The following HMGXB3 variants were observed in gnomAD, a reference collection of about 807,000 sequenced individuals.
HMGXB3 encodes the protein HMG domain-containing protein 3.
In HMGXB3, 45 loss-of-function variants were observed where a neutral mutation model predicts 121.5. The ratio of observed to expected loss-of-function variants is 0.37; its 90% confidence interval spans 0.29 to 0.47. The LOEUF (loss-of-function observed/expected upper bound fraction) is 0.47, where lower values mean the gene tolerates loss of function less well. Among genes scored for constraint, HMGXB3 ranks in the 20% least tolerant of loss-of-function variants. The pLI is 0.99. For synonymous variants in HMGXB3, 590 were observed against 624.1 expected (o/e 0.95, Z 0.81); for missense variants, 1,376 against 1,602.2 (o/e 0.86, Z 2.41).
intron 11 of HMGXB3, among the ~76,000 whole-genome samples, chr5:150,034,827 C>G (rs1023425537): frequency 3.9e-5 from 6 of 152,078 alleles, no homozygotes; most frequent in Admixed American, 3.9e-4. Context: ...TCATCTCTGG[C>G]GAGAGTCACG....
intron 15 of HMGXB3, 59 bp from the exon 16 acceptor site, chr5:150,045,407 T>G: frequency 7.3e-7 from 1 of 1,362,032 alleles, no homozygotes; most frequent in Non-Finnish European, 1.0e-6. Context: ...GGGTAGGCTG[T>G]TGTGTTGCTG....
chr5:150,016,369 A>G (rs1755961143), intron 5 of HMGXB3, among the ~76,000 whole-genome samples: 1 of 149,166 alleles, frequency 6.7e-6, no homozygotes. Flanking sequence ...AAAGGAGGTG[A>G]CATTTAACTA....
intron 11 of HMGXB3, among the ~76,000 whole-genome samples, chr5:150,035,306 G>A (rs1001691723): frequency 2.6e-5 from 4 of 152,134 alleles, no homozygotes; most frequent in African/African-American, 9.7e-5. Context: ...GGCAAGGGGA[G>A]CCAGCATGCA....
intron 15 of HMGXB3, 57 bp downstream of exon 15, chr5:150,042,026 C>T (rs1438322864): frequency 7.0e-7 from 1 of 1,420,008 alleles, no homozygotes; most frequent in East Asian, 2.5e-5. Flanking sequence ...TTTGGCACCT[C>T]CCTTCCTATA....
chr5:150,006,665 C>T lies in HMGXB3; in HGVS notation c.312+18C>T, dbSNP rs1755709805. ...TGGATCCTGTAAGTAATTTTTTTTT[C>T]CAGCTATTTTTTCCACTGGTTCAGT... On this transcript the variant is annotated intron_variant, in intron 3 of 19. Transcript: ENST00000502717. 2 of 1,546,816 alleles carry T rather than the reference C, an allele frequency of 1.3e-6. No individual in the cohort carries two copies. Among genetic ancestry groups the T allele is most frequent in the South Asian group, 1.2e-5 (1 of 83,766 alleles).
chr5:150,047,378 T>G, intron 16 of HMGXB3: 1 of 474,820 alleles, frequency 2.1e-6, no homozygotes, highest in Non-Finnish European at 3.8e-6. Flanking sequence ...AGCTGACTTA[T>G]TTTAGGGTTT....
Position 150,032,406 on chromosome 5 carries a change from G to A in HMGXB3, c.1834-48G>A, listed in dbSNP as rs1437602193. The A allele has an allele frequency of 3.9e-6, 6 of 1,531,022 alleles. No individual in the cohort carries two copies. The East Asian group carries it at 1.5e-4, about 38-fold the overall frequency. 94.8% of individuals were successfully genotyped at this position (1,531,022 alleles called of 1,614,324 possible). On this transcript the variant is annotated intron_variant, in intron 10 of 19. Coordinates refer to ENST00000502717, the MANE Select transcript of HMGXB3 (RefSeq NM_014983.3). ...TCATTCTGGTTCTGGGTTCTGCCCA[G>A]GTTTAACTTAATTTTTGTAGAATTG...
Position 150,050,475 on chromosome 5 carries a change from T to C in HMGXB3, c.3411+14T>C. On this transcript the variant is annotated intron_variant, in intron 19 of 19. Transcript: ENST00000502717. ...GAGCCACCTGTGGTGAGTCACCTCC[T>C]GAGGAACTGCCATGTCTCCTCAAGC... 2 of 1,536,098 alleles carry C rather than the reference T, an allele frequency of 1.3e-6. No individual in the cohort carries two copies. The highest frequency in any genetic ancestry group is 1.2e-5 in the South Asian group (1 of 83,822).
At chr5:150,026,921 A>T (rs1426294744) in intron 8 of HMGXB3, 40 bp downstream of exon 8, 14 of 1,512,994 alleles carry the variant, frequency 9.3e-6, no homozygotes, top group Non-Finnish European at 1.2e-5. Flanking sequence ...GGGCTGTCTG[A>T]CAGGAAAGGG....
Position 150,052,610 on chromosome 5 carries a change from C to T in HMGXB3, c.*418C>T. On this transcript the variant is annotated 3_prime_UTR_variant, in exon 20 of 20. Transcript: ENST00000502717. ...ACCCCTGAGGAGCCCTGGTTTCAGC[C>T]CCCTCAGTCTGATGAATTGCTTAGC... 1 of 182,680 alleles carries T rather than the reference C, an allele frequency of 5.5e-6. No individual in the cohort carries two copies. The highest frequency in any genetic ancestry group is 1.2e-5 in the Non-Finnish European group (1 of 86,266). 11.3% of individuals were successfully genotyped at this position (182,680 alleles called of 1,614,324 possible). A position where few individuals can be genotyped will look rare whatever the true frequency, so the allele number is the denominator to read the frequency against.
rs1439518952 is a variant in HMGXB3, at chr5:150,045,459, C to T, written c.2731-7C>T. 3.2e-6 allele frequency: 5 copies of T among 1,551,214 alleles called. No individual in the cohort carries two copies. The Admixed American group carries it at 9.8e-5, about 30-fold the overall frequency. On this transcript the variant is annotated splice_region_variant and splice_polypyrimidine_tract_variant and intron_variant, in intron 15 of 19. Coordinates refer to ENST00000502717, the MANE Select transcript of HMGXB3 (RefSeq NM_014983.3). Reference sequence around the variant, plus strand: ...ACAGTTTGACCTTCTTTATCCTGACCTTCTAGTTCACCTGGCCTGAATTCC... The same window carrying T: ...ACAGTTTGACCTTCTTTATCCTGACTTTCTAGTTCACCTGGCCTGAATTCC...
At chr5:150,044,434 CAA>C (rs780221219) in intron 15 of HMGXB3, among the ~76,000 whole-genome samples, 16 of 152,032 alleles carry the variant, frequency 1.1e-4, no homozygotes, top group Non-Finnish European at 1.9e-4. Context: ...AGGTGGCAAA[CAA>C]AGAGGAATAA....
chr5:150,040,347 A>G (rs1182297033), intron 13 of HMGXB3, among the ~76,000 whole-genome samples: 2 of 152,036 alleles, frequency 1.3e-5, no homozygotes, highest in East Asian at 3.9e-4. Context: ...CCCTTTCCCT[A>G]TTGATGGGCA....
chr5:150,043,413 T>G (rs1340738285), intron 15 of HMGXB3, among the ~76,000 whole-genome samples: 2 of 152,242 alleles, frequency 1.3e-5, no homozygotes, highest in South Asian at 4.1e-4. Flanking sequence ...GGACATGAGC[T>G]GACTTTCAGG....
Position 150,036,813 on chromosome 5 carries a change from C to G in HMGXB3, c.2161C>G (p.Leu721Val). The change falls in exon 12 of 20, where the codon CTT becomes GTT. Residue 721 changes from leucine to valine, a missense_variant. By Grantham distance (32) the Leu-to-Val change is conservative. Transcript: ENST00000502717. Reference protein sequence around the residue: ...ALIHELNSSRLILSNVSEETV... With the variant: ...ALIHELNSSRVILSNVSEETV... ...GATTCATGAACTCAACAGCTCTCGA[C>G]TTATCTTGTCCAACGTGAGTGAGGA... The G allele has an allele frequency of 6.4e-7, 1 of 1,551,762 alleles. No individual in the cohort carries two copies. The highest frequency in any genetic ancestry group is 8.7e-7 in the Non-Finnish European group (1 of 1,147,012).
At position 150,053,047 on chromosome 5, in the gene HMGXB3, G is replaced by A; in HGVS notation, c.*855G>A. The stretch of plus-strand genomic sequence containing the variant: ...AGGTTTGTTTAGGGCCTGGGAATTG[G>A]CCATGTGTTAATTTATTGAGTGGAG... On this transcript the variant is annotated 3_prime_UTR_variant, in exon 20 of 20. Coordinates refer to ENST00000502717, the MANE Select transcript of HMGXB3 (RefSeq NM_014983.3). 5.8e-6 allele frequency: 1 copy of A among 172,464 alleles called. No homozygotes were observed. The highest frequency in any genetic ancestry group is 1.0e-4 in the East Asian group (1 of 9,570). 10.7% of individuals were successfully genotyped at this position (172,464 alleles called of 1,614,324 possible).
At chr5:150,028,541 G>GTATATATA (rs1554098997) in intron 9 of HMGXB3, among the ~76,000 whole-genome samples, 4 of 42,090 alleles carry the variant, frequency 9.5e-5, no homozygotes, top group Non-Finnish European at 2.0e-4. Context: ...GTGTGTGTGT[G>GTATATATA]TATATATATA....
Position 150,051,844 on chromosome 5 carries a change from ACAGCC to A in HMGXB3, c.3534_3538del (p.Pro1179SerfsTer3), listed in dbSNP as rs1561893580. On this transcript the variant is annotated frameshift_variant, in exon 20 of 20. Transcript: ENST00000502717. LOFTEE classifies it high-confidence loss of function. ...CGCGGCGCATCGTCCATGCAGGCCTACAGCCCAATCCTGGTGACCCCAGTGCTGGG... is the reference window on the plus strand; with the variant it reads ...CGCGGCGCATCGTCCATGCAGGCCTACAATCCTGGTGACCCCAGTGCTGGG... 1 of 1,550,672 alleles carries A rather than the reference ACAGCC, an allele frequency of 6.4e-7. No individual in the cohort carries two copies. The highest frequency in any genetic ancestry group is 2.0e-5 in the Admixed American group (1 of 51,014).
At chr5:150,034,612 C>T (rs1471658779) in intron 11 of HMGXB3, among the ~76,000 whole-genome samples, 4 of 152,132 alleles carry the variant, frequency 2.6e-5, no homozygotes, top group African/African-American at 7.2e-5. Context: ...GAGAACTGCC[C>T]ACCCCCAGGA....
Sources: gnomAD v4.1 joint callset for allele counts (sites outside exome capture counted in the v4.1 genomes callset) on GRCh38, gnomAD v4.1.1 for gene constraint, MANE v1.5 for transcripts, NCBI Gene and HGNC (gene_info 2026-07-23, HGNC 2026-07-21) for gene names.